Variants in GFOD2 observed in about 807,000 individuals in gnomAD.
The protein encoded by GFOD2 is glucose-fructose oxidoreductase domain-containing protein 2.
Under a neutral mutation model 24.6 loss-of-function variants are expected in GFOD2, and 9 were observed. The ratio of observed to expected loss-of-function variants is 0.37; its 90% CI spans 0.22 to 0.64. The LOEUF (loss-of-function observed/expected upper bound fraction) is 0.64, where lower values mean the gene tolerates loss of function less well. GFOD2 is among the 30% of genes least tolerant of loss of function. The pLI, the probability that GFOD2 is intolerant of heterozygous loss-of-function variation, is 0.65. For missense variants in GFOD2, 476 were observed against 532.5 expected, an observed-to-expected ratio of 0.89 and a Z score of 1.04; for synonymous variants, 211 against 224.8, an observed-to-expected ratio of 0.94 and a Z score of 0.55.
intron 2 of GFOD2, chr16:67,681,792 G>A: frequency 1.0e-6 from 1 of 985,340 alleles, no homozygotes; most frequent in Non-Finnish European, 1.2e-6. Flanking sequence ...AGGCTCCTGA[G>A]GGCTAGCTGT....
intron 1 of GFOD2, among the ~76,000 whole-genome samples, chr16:67,698,999 G>T (rs1394593500): frequency 6.6e-6 from 1 of 152,088 alleles, no homozygotes; most frequent in African/African-American, 2.4e-5. Flanking sequence ...AGACCAATAC[G>T]TCTCATAAAC....
chr16:67,707,042 G>A (rs1313238939), intron 1 of GFOD2, among the ~76,000 whole-genome samples: 2 of 146,854 alleles, frequency 1.4e-5, no homozygotes, highest in African/African-American at 2.5e-5. Context: ...CTGGGCAACA[G>A]AGCGAGACTC....
intron 2 of GFOD2, chr16:67,676,757 T>C (rs2053187534): frequency 6.6e-6 from 1 of 152,268 alleles, no homozygotes; most frequent in African/African-American, 2.4e-5. Context: ...AATACCCTTT[T>C]TGCCCTCACA....
At chr16:67,704,365 G>A (rs1187546501) in intron 1 of GFOD2, among the ~76,000 whole-genome samples, 1 of 152,116 alleles carries the variant, frequency 6.6e-6, no homozygotes, top group Non-Finnish European at 1.5e-5. Flanking sequence ...TGCTTTACAG[G>A]CATCATCTGA....
At chr16:67,681,755 G>A (rs2053226761) in intron 2 of GFOD2, 1 of 985,224 alleles carries the variant, frequency 1.0e-6, no homozygotes, top group African/African-American at 1.7e-5. Context: ...TATCAGTGTG[G>A]GACTGCAAGG....
At chr16:67,685,011 T>C in intron 2 of GFOD2, 1 of 1,050,222 alleles carries the variant, frequency 9.5e-7, no homozygotes, top group Non-Finnish European at 1.2e-6. Flanking sequence ...GAAGGGTGTG[T>C]GCTCACTATA....
At chr16:67,691,683 A>G (rs2053315638) in intron 1 of GFOD2, among the ~76,000 whole-genome samples, 1 of 152,016 alleles carries the variant, frequency 6.6e-6, no homozygotes, top group African/African-American at 2.4e-5. Context: ...TGCACCTTCT[A>G]TATACTTGCA....
intron 1 of GFOD2, among the ~76,000 whole-genome samples, chr16:67,701,569 T>C (rs1425233800): frequency 1.3e-5 from 2 of 151,636 alleles, no homozygotes; most frequent in East Asian, 1.9e-4. Flanking sequence ...GGACAAAGAG[T>C]AGATCAGTGG....
chr16:67,674,929 G>C lies in GFOD2; in HGVS notation c.*226C>G. ...CATGAGGAGGCCTGGCGGCAGCTCT[G>C]CCCTGTGCACACCGTGGTAACCTGG... On this transcript the variant is annotated 3_prime_UTR_variant, in exon 3 of 3. Transcript: ENST00000268797. 1.7e-6 allele frequency: 1 copy of C among 572,714 alleles called. No individual in the cohort carries two copies. The highest frequency in any genetic ancestry group is 3.1e-6 in the Non-Finnish European group (1 of 323,132). 35.5% of individuals were successfully genotyped at this position (572,714 alleles called of 1,614,324 possible). A position where few individuals can be genotyped will look rare whatever the true frequency, so the allele number is the denominator to read the frequency against.
In GFOD2 at chr16:67,675,771, T is replaced by G; in HGVS notation, c.542A>C (p.Tyr181Ser). ...GGGGLHTMGTYIVDLLTHLTG... is the reference protein window; with the variant it reads ...GGGGLHTMGTSIVDLLTHLTG... ...CAGGTGGGTCAGCAGGTCCACAATG[T>G]AGGTCCCCATGGTGTGCAAGCCCCC... Residue 181 changes from tyrosine (Y) to serine (S), a missense_variant, in exon 3 of 3, where the codon TAC becomes TCC. Transcript: ENST00000268797. 6.2e-7 allele frequency: 1 copy of G among 1,614,150 alleles called. No homozygotes were observed. The highest frequency in any genetic ancestry group is 2.2e-5 in the East Asian group (1 of 44,884).
intron 1 of GFOD2, among the ~76,000 whole-genome samples, chr16:67,693,430 C>G (rs1490284692): frequency 6.6e-6 from 1 of 152,040 alleles, no homozygotes; most frequent in Non-Finnish European, 1.5e-5. Context: ...CTAATCATAC[C>G]TGGCTAATTT....
Position 67,687,667 on chromosome 16 carries a change from G to GAA in GFOD2, c.-87-1867_-87-1866dup, listed in dbSNP as rs979497645. ...AAAAAAAAAAAAAAAAAGAAAAAAA[G>GAA]AAAAAAAAAAGATTTTATTAGGCTG... On this transcript the variant is annotated intron_variant, in intron 1 of 2. Transcript: ENST00000268797. 2.8e-4 allele frequency among the ~76,000 whole-genome samples: 40 copies of GAA among 140,504 alleles called. 2 individuals are homozygous for GAA. Among genetic ancestry groups the GAA allele is most frequent in the Non-Finnish European group, 1.7e-4 (11 of 63,998 alleles). The allele number at this position is 140,504 out of a possible 152,430, so 92.2% of individuals were successfully genotyped here.
intron 1 of GFOD2, among the ~76,000 whole-genome samples, chr16:67,695,357 T>C (rs1028787650): frequency 1.3e-5 from 2 of 152,096 alleles, no homozygotes; most frequent in Non-Finnish European, 2.9e-5. Flanking sequence ...CTAGTTTTCT[T>C]AGAAAACAGG....
chr16:67,692,228 TAAA>T (rs58414730), intron 1 of GFOD2, among the ~76,000 whole-genome samples: 3 of 109,346 alleles, frequency 2.7e-5, no homozygotes, highest in African/African-American at 3.3e-5. Flanking sequence ...ATGAACTTGG[TAAA>T]AAAAAAAAAA....
intron 1 of GFOD2, among the ~76,000 whole-genome samples, chr16:67,687,517 T>C (rs2053276640): frequency 6.6e-6 from 1 of 151,484 alleles, no homozygotes; most frequent in Non-Finnish European, 1.5e-5. Flanking sequence ...GGTGGGTGCC[T>C]GTAGTCCCAG....
At chr16:67,709,560 A>G (rs1225757041) in intron 1 of GFOD2, among the ~76,000 whole-genome samples, 1 of 152,144 alleles carries the variant, frequency 6.6e-6, no homozygotes, top group East Asian at 1.9e-4. Context: ...TTATGATTTG[A>G]GATTAAATGC....
chr16:67,705,164 T>C (rs1245010202), intron 1 of GFOD2, among the ~76,000 whole-genome samples: 1 of 152,208 alleles, frequency 6.6e-6, no homozygotes, highest in African/African-American at 2.4e-5. Flanking sequence ...TCATCCTAAA[T>C]ACCTCTCAGT....
At chr16:67,678,492 A>G (rs1277627454) in intron 2 of GFOD2, among the ~76,000 whole-genome samples, 3 of 151,798 alleles carry the variant, frequency 2.0e-5, no homozygotes, top group East Asian at 1.9e-4. Flanking sequence ...AAAAAAAAAA[A>G]AAGAAAAAGA....
At position 67,717,790 on chromosome 16, in the gene GFOD2, C is replaced by CGATAGATAGATAGATAGATAGATAGATA. The variant is rs56029322; in HGVS notation, c.-88+1372_-88+1373insTATCTATCTATCTATCTATCTATCTATC. On this transcript the variant is annotated intron_variant, in intron 1 of 2. Transcript: ENST00000268797. ...TGGGTGACAGAGTGAGACTCCGTCT[C>CGATAGATAGATAGATAGATAGATAGATA]GATAGATAGATAGATAGATAGATAG... Among the ~76,000 whole-genome samples, 803 of 151,144 alleles carry CGATAGATAGATAGATAGATAGATAGATA rather than the reference C, an allele frequency of 5.3e-3. 6 individuals carry two copies. The highest frequency in any genetic ancestry group is 0.019 in the African/African-American group (759 of 40,838).
Sources: gnomAD v4.1 joint callset for allele counts (sites outside exome capture counted in the v4.1 genomes callset) on GRCh38, gnomAD v4.1.1 for gene constraint, MANE v1.5 for transcripts, NCBI Gene and HGNC (gene_info 2026-07-23, HGNC 2026-07-21) for gene names.